SLC24A4: variants seen among roughly 807,000 people sequenced by gnomAD.
The protein encoded by SLC24A4 is solute carrier family 24 member 4, also known as sodium/potassium/calcium exchanger 4.
In SLC24A4, 53 loss-of-function variants were observed where a neutral mutation model predicts 79.0. That is an observed-to-expected ratio of 0.67 (90% CI 0.54 to 0.84). The LOEUF is 0.84. Ranked by LOEUF, SLC24A4 falls within the 40% of genes least tolerant of loss-of-function variation. The pLI is 0.00. For missense variants in SLC24A4, 731 were observed against 822.0 expected, an observed-to-expected ratio of 0.89 and a Z score of 1.35; for synonymous variants, 323 against 323.8, an observed-to-expected ratio of 1.00 and a Z score of 0.03.
At chr14:92,415,320 C>T (rs942530454) in intron 2 of SLC24A4, among the ~76,000 whole-genome samples, 1 of 152,122 alleles carries the variant, frequency 6.6e-6, no homozygotes, top group Non-Finnish European at 1.5e-5. Context: ...GGGTGGTCAG[C>T]GTGGGAAGTT....
At chr14:92,446,024 C>T (rs1433142680) in intron 8 of SLC24A4, among the ~76,000 whole-genome samples, 1 of 152,160 alleles carries the variant, frequency 6.6e-6, no homozygotes, top group East Asian at 1.9e-4. Flanking sequence ...TAGTGAGACC[C>T]CGTCCCCCAA....
intron 1 of SLC24A4, among the ~76,000 whole-genome samples, chr14:92,324,394 C>G (rs1264775183): frequency 1.3e-5 from 2 of 152,212 alleles, no homozygotes; most frequent in African/African-American, 4.8e-5. Context: ...AAAGGGGTCC[C>G]CTGGGTGCCC....
chr14:92,347,085 T>C (rs1439530015), intron 2 of SLC24A4, among the ~76,000 whole-genome samples: 4 of 152,048 alleles, frequency 2.6e-5, no homozygotes, highest in Non-Finnish European at 5.9e-5. Context: ...TCATAAAACA[T>C]AGGAATGCTT....
chr14:92,364,584 C>T (rs1243774622), intron 2 of SLC24A4, among the ~76,000 whole-genome samples: 1 of 152,156 alleles, frequency 6.6e-6, no homozygotes, highest in Admixed American at 6.5e-5. Context: ...AACACACAGC[C>T]CAGTGGAAAA....
chr14:92,463,305 C>T (rs1595329132), intron 12 of SLC24A4, among the ~76,000 whole-genome samples: 2 of 152,150 alleles, frequency 1.3e-5, no homozygotes, highest in African/African-American at 4.8e-5. Flanking sequence ...AGAAATGGAA[C>T]TCTCTTAACA....
In SLC24A4 at chr14:92,441,065, C is replaced by A. The variant is rs940226185; in HGVS notation, c.394-1024C>A. On this transcript the variant is annotated intron_variant, in intron 4 of 16. Coordinates refer to ENST00000532405, the MANE Select transcript of SLC24A4 (RefSeq NM_153646.4). This position sits in a 1 kb window ranked among gnomAD's most constrained non-coding sequence, Gnocchi z 4.6. Reference sequence around the variant, plus strand: ...GCCCTGGAGATCGATGCTGTGCCCCCACCCCAGACTCCGTCAAGCCCAGAG... The same window carrying A: ...GCCCTGGAGATCGATGCTGTGCCCCAACCCCAGACTCCGTCAAGCCCAGAG... 6.6e-6 allele frequency among the ~76,000 whole-genome samples: 1 copy of A among 152,084 alleles called. No homozygotes were observed. The highest frequency in any genetic ancestry group is 2.4e-5 in the African/African-American group (1 of 41,394).
At chr14:92,478,740 G>A (rs1391591695) in intron 12 of SLC24A4, among the ~76,000 whole-genome samples, 1 of 151,512 alleles carries the variant, frequency 6.6e-6, no homozygotes, top group Non-Finnish European at 1.5e-5. Flanking sequence ...TTTCTGCTCA[G>A]CTACCTGGGA....
chr14:92,345,718 G>A (rs766268561), intron 2 of SLC24A4, among the ~76,000 whole-genome samples: 26 of 151,828 alleles, frequency 1.7e-4, no homozygotes, highest in Non-Finnish European at 2.2e-4. Flanking sequence ...AAAAAAAGTT[G>A]CATAGCATTT....
intron 12 of SLC24A4, among the ~76,000 whole-genome samples, chr14:92,464,947 A>G (rs1406197644): frequency 6.6e-6 from 1 of 152,152 alleles, no homozygotes; most frequent in African/African-American, 2.4e-5. Context: ...TACACAGCAG[A>G]GTGTCCTCCA....
intron 12 of SLC24A4, among the ~76,000 whole-genome samples, chr14:92,482,009 A>G (rs1895092826): frequency 6.6e-6 from 1 of 152,328 alleles, no homozygotes; most frequent in Non-Finnish European, 1.5e-5. Context: ...GACTGCAGCC[A>G]GGGCACACAT....
chr14:92,440,341 A>G (rs1595283838), intron 4 of SLC24A4, among the ~76,000 whole-genome samples: 1 of 152,270 alleles, frequency 6.6e-6, no homozygotes, highest in Admixed American at 6.5e-5. Context: ...GAGGGTGAGG[A>G]ACAGAGTCCA....
chr14:92,477,862 A>G (rs1894858504), intron 12 of SLC24A4, among the ~76,000 whole-genome samples: 1 of 149,156 alleles, frequency 6.7e-6, no homozygotes, highest in African/African-American at 2.5e-5. Context: ...AGCTCACTGC[A>G]ACCTCTGCCT....
chr14:92,466,065 G>A (rs774091658), intron 12 of SLC24A4, among the ~76,000 whole-genome samples: 21 of 152,172 alleles, frequency 1.4e-4, no homozygotes, highest in Non-Finnish European at 2.1e-4. Context: ...CAGGAGGTAG[G>A]ACAGTGTCGC....
chr14:92,453,616 T>C, intron 10 of SLC24A4: 1 of 348,740 alleles, frequency 2.9e-6, no homozygotes. Flanking sequence ...TAGCCAAGAC[T>C]GGGCCCCAGA....
At chr14:92,324,388 G>A (rs755724294) in intron 1 of SLC24A4, among the ~76,000 whole-genome samples, 29 of 152,338 alleles carry the variant, frequency 1.9e-4, no homozygotes, top group Middle Eastern at 3.4e-3. Flanking sequence ...TGGTTCAAAG[G>A]GGTCCCCTGG....
At chr14:92,445,407 TG>T in intron 8 of SLC24A4, 65 bp downstream of exon 8, 3 of 1,516,278 alleles carry the variant, frequency 2.0e-6, no homozygotes, top group Non-Finnish European at 2.7e-6. Flanking sequence ...CCTTATTTGT[TG>T]GGTTCCCTGA....
intron 2 of SLC24A4, among the ~76,000 whole-genome samples, chr14:92,425,088 TATAAG>T (rs1239701733): frequency 6.6e-6 from 1 of 152,090 alleles, no homozygotes; most frequent in Non-Finnish European, 1.5e-5. Context: ...ATTGATGTCT[TATAAG>T]AGGAGGAAGA....
At chr14:92,443,035 G>A (rs1392057947) in intron 6 of SLC24A4, among the ~76,000 whole-genome samples, 3 of 152,232 alleles carry the variant, frequency 2.0e-5, no homozygotes, top group African/African-American at 7.2e-5. Context: ...CAGGGGGAAT[G>A]TTGGACTTGA....
At chr14:92,421,168 C>A (rs373364385) in intron 2 of SLC24A4, among the ~76,000 whole-genome samples, 1 of 152,096 alleles carries the variant, frequency 6.6e-6, no homozygotes, top group Non-Finnish European at 1.5e-5. Flanking sequence ...AGTACAACAA[C>A]GAGAAAAACA....
Sources: allele counts gnomAD v4.1 joint callset (sites outside exome capture counted in the v4.1 genomes callset), GRCh38; gene constraint gnomAD v4.1.1; non-coding constraint Gnocchi (gnomAD v3.1); transcripts MANE v1.5; gene names NCBI Gene and HGNC (gene_info 2026-07-23, HGNC 2026-07-21).